ZNF138: variants seen among roughly 807,000 people sequenced by gnomAD.
ZNF138 encodes the protein zinc finger protein 138.
In ZNF138, 33 loss-of-function variants were observed where a neutral mutation model predicts 33.0. The ratio of observed to expected loss-of-function variants is 1.00; its 90% CI spans 0.76 to 1.34. The LOEUF is 1.34. ZNF138 is among the 40% of genes most tolerant of loss of function. The probability of loss-of-function intolerance (pLI) is 0.00; values close to 1 mark genes in which losing one functional copy is unlikely to be tolerated. For synonymous variants in ZNF138, 139 were observed against 120.4 expected, an observed-to-expected ratio of 1.15 and a Z score of -1.01; for missense variants, 360 against 370.8, an observed-to-expected ratio of 0.97 and a Z score of 0.24.
rs560898424 is a variant in ZNF138 at position 64,794,585 on chromosome 7, G to A, written c.3+14G>A. ...AGCCTAGAAATGGTGAGAGTGCTGG[G>A]TCCGACATCCCGAGAGAGGGGGAGG... On this transcript the variant is annotated intron_variant, in intron 1 of 3. Transcript: ENST00000307355. 5.0e-6 allele frequency: 8 copies of A among 1,613,594 alleles called. 1 individual carries two copies. In the Admixed American group the frequency reaches 1.2e-4, roughly 24 times the overall value.
chr7:64,839,261 A>G, the ZNF138 span, among the ~76,000 whole-genome samples: 1 of 152,164 alleles, frequency 6.6e-6, no homozygotes, highest in Non-Finnish European at 1.5e-5. Context: ...TTCGTTTTAA[A>G]TCTTGGTCGA....
chr7:64,806,384 G>C (rs1442369750), intron 1 of ZNF138, among the ~76,000 whole-genome samples: 1 of 152,132 alleles, frequency 6.6e-6, no homozygotes, highest in African/African-American at 2.4e-5. Flanking sequence ...CTGATTCAGA[G>C]ACCATGGGGC....
the ZNF138 span, among the ~76,000 whole-genome samples, chr7:64,850,587 A>G: frequency 6.6e-6 from 1 of 152,232 alleles, no homozygotes; most frequent in Non-Finnish European, 1.5e-5. Flanking sequence ...GGTGTTGGGC[A>G]TAATGGTTAA....
At chr7:64,811,568 A>T (rs953328653) in intron 1 of ZNF138, among the ~76,000 whole-genome samples, 1 of 150,152 alleles carries the variant, frequency 6.7e-6, no homozygotes, top group Non-Finnish European at 1.5e-5. Context: ...TTGGTCTTGA[A>T]CTCCTGACCT....
chr7:64,794,463 A>G lies in ZNF138; in HGVS notation c.-106A>G, dbSNP rs538547170. 33 of 1,555,154 alleles carry G rather than the reference A, an allele frequency of 2.1e-5. No homozygotes were observed. The highest frequency in any genetic ancestry group is 1.1e-4 in the African/African-American group (8 of 73,340). On this transcript the variant is annotated 5_prime_UTR_variant, in exon 1 of 4. Coordinates refer to ENST00000307355, the MANE Select transcript of ZNF138 (RefSeq NM_001271639.2). ...AGCGGGTGCTGCAGGTCTGGCCTTCACTTTTCTGCGTCCTCTTACTCCTAG... is the reference window on the plus strand; with the variant it reads ...AGCGGGTGCTGCAGGTCTGGCCTTCGCTTTTCTGCGTCCTCTTACTCCTAG...
chr7:64,848,074 T>C, the ZNF138 span, among the ~76,000 whole-genome samples: 1 of 152,116 alleles, frequency 6.6e-6, no homozygotes, highest in Non-Finnish European at 1.5e-5. Context: ...TCAGCATTTG[T>C]TTGTCTGAAA....
intron 3 of ZNF138, among the ~76,000 whole-genome samples, chr7:64,824,050 T>C (rs952727887): frequency 2.0e-5 from 3 of 152,188 alleles, no homozygotes; most frequent in Non-Finnish European, 2.9e-5. Context: ...AGTTTGCACA[T>C]AACTGTTAAG....
intron 1 of ZNF138, among the ~76,000 whole-genome samples, chr7:64,813,433 ATGATT>A (rs1788339705): frequency 2.3e-5 from 1 of 42,702 alleles, no homozygotes. Flanking sequence ...TTGCATAAAA[ATGATT>A]TTTTTTTTTT....
chr7:64,818,721 G>T, intron 3 of ZNF138, among the ~76,000 whole-genome samples: 1 of 137,386 alleles, frequency 7.3e-6, no homozygotes, highest in South Asian at 2.2e-4. Flanking sequence ...CTGCACTTTA[G>T]CCTGGGTGAC....
the ZNF138 span, chr7:64,853,075 G>T: frequency 7.0e-7 from 1 of 1,429,068 alleles, no homozygotes. Flanking sequence ...TCACGTAAGA[G>T]TCGTCTACAA....
chr7:64,830,906 T>C, intron 3 of ZNF138: 1 of 1,532,292 alleles, frequency 6.5e-7, no homozygotes. Flanking sequence ...TAGTCAGTAG[T>C]CACTTGCTAC....
intron 1 of ZNF138, 118 bp downstream of exon 1, chr7:64,794,689 G>A (rs1477200028): frequency 1.3e-6 from 2 of 1,482,470 alleles, no homozygotes; most frequent in South Asian, 1.2e-5. Flanking sequence ...CCGCGGCCCC[G>A]AGTTCTTGGC....
rs867482729 is a variant in ZNF138, at chr7:64,821,009, G to A, written c.208+5356G>A. ...GTGTTTTTAAAAAAAATTGATGATG[G>A]CCATTCTAATTGGTGTGAGGTGATT... On this transcript the variant is annotated intron_variant, in intron 3 of 3. Coordinates refer to ENST00000307355, the MANE Select transcript of ZNF138 (RefSeq NM_001271639.2). Among the ~76,000 whole-genome samples, 53 of 149,174 alleles carry A rather than the reference G, an allele frequency of 3.6e-4. 1 individual carries two copies. The highest frequency in any genetic ancestry group is 1.2e-3 in the African/African-American group (47 of 40,102).
intron 3 of ZNF138, among the ~76,000 whole-genome samples, chr7:64,817,450 C>T (rs1342527559): frequency 6.7e-6 from 1 of 149,782 alleles, no homozygotes; most frequent in East Asian, 2.0e-4. Flanking sequence ...CTGAAGAGAA[C>T]ACTCCTCCAT....
chr7:64,827,660 A>G (rs1225934246), intron 3 of ZNF138, among the ~76,000 whole-genome samples: 4 of 152,134 alleles, frequency 2.6e-5, no homozygotes. Context: ...TATTACATCA[A>G]AATTTGGAAA....
the ZNF138 span, among the ~76,000 whole-genome samples, chr7:64,852,140 G>A: frequency 1.3e-5 from 2 of 152,200 alleles, no homozygotes; most frequent in Admixed American, 6.5e-5. Context: ...GATTCAAAAT[G>A]TATCAACAGT....
intron 3 of ZNF138, among the ~76,000 whole-genome samples, chr7:64,822,455 A>T (rs571717613): frequency 1.5e-4 from 23 of 151,530 alleles, no homozygotes; most frequent in African/African-American, 2.4e-4. Flanking sequence ...ATTTTTTTTA[A>T]AAAAATATTT....
At chr7:64,846,801 A>T in the ZNF138 span, among the ~76,000 whole-genome samples, 1 of 152,184 alleles carries the variant, frequency 6.6e-6, no homozygotes, top group Non-Finnish European at 1.5e-5. Context: ...ACTATGTTGA[A>T]TGAAAATGGT....
the ZNF138 span, among the ~76,000 whole-genome samples, chr7:64,839,634 T>G: frequency 1.3e-5 from 2 of 152,026 alleles, no homozygotes; most frequent in Non-Finnish European, 2.9e-5. Flanking sequence ...GTCTGCCGAA[T>G]TGGACTGGAG....
Sources: allele counts gnomAD v4.1 joint callset (sites outside exome capture counted in the v4.1 genomes callset), GRCh38; gene constraint gnomAD v4.1.1; transcripts MANE v1.5; gene names NCBI Gene and HGNC (gene_info 2026-07-23, HGNC 2026-07-21).